Variants in SSUH2 observed in about 807,000 individuals in gnomAD.
SSUH2 encodes the protein protein SSUH2 homolog.
Under a neutral mutation model 55.3 loss-of-function variants are expected in SSUH2, and 47 were observed. The observed-to-expected ratio is 0.85, with a 90% CI of 0.67 to 1.08. The LOEUF (loss-of-function observed/expected upper bound fraction) is 1.08. Among genes scored for constraint, SSUH2 ranks in the 50% least tolerant of loss-of-function variants. The pLI, the probability that SSUH2 is intolerant of heterozygous loss-of-function variation, is 0.00. For synonymous variants in SSUH2, 212 were observed against 191.5 expected, an observed-to-expected ratio of 1.11 and a Z score of -0.89; for missense variants, 535 against 490.7, an observed-to-expected ratio of 1.09 and a Z score of -0.85.
At chr3:8,625,164 A>C (rs778919482) in intron 10 of SSUH2, among the ~76,000 whole-genome samples, 3 of 152,052 alleles carry the variant, frequency 2.0e-5, no homozygotes, top group Non-Finnish European at 2.9e-5. Context: ...ACCCAGGGCC[A>C]AGAATAGTGC....
chr3:8,630,665 T>C, intron 6 of SSUH2, 140 bp downstream of exon 6: 1 of 788,782 alleles, frequency 1.3e-6, no homozygotes, highest in East Asian at 3.4e-5. Context: ...TTAAATTACG[T>C]TTATTTATAA....
At chr3:8,672,316 A>C (rs1290454527) in intron 3 of SSUH2, among the ~76,000 whole-genome samples, 1 of 151,922 alleles carries the variant, frequency 6.6e-6, no homozygotes. Flanking sequence ...TGCTATTAAG[A>C]ATATTATCCT....
Position 8,670,995 on chromosome 3 carries a change from T to C in SSUH2, c.-455+3A>G, listed in dbSNP as rs776890582. ...ATATAACGAATAATGTCAGAGAATG[T>C]ACCTGCATTGGGACATCAGTAGTAA... On this transcript the variant is annotated splice_donor_region_variant and intron_variant, in intron 5 of 18. Transcript: ENST00000317371. 9 of 426,464 alleles carry C rather than the reference T, an allele frequency of 2.1e-5. 1 individual carries two copies. The highest frequency in any genetic ancestry group is 1.2e-4 in the South Asian group (7 of 60,012). 26.4% of individuals were successfully genotyped at this position (426,464 alleles called of 1,614,324 possible). A position where few individuals can be genotyped will look rare whatever the true frequency, so the allele number is the denominator to read the frequency against.
At position 8,635,796 on chromosome 3, in the gene SSUH2, C is replaced by T. The variant is rs1403056564; in HGVS notation, c.90G>A (p.Glu30=). Residue 30 remains glutamate (E), a synonymous_variant, in exon 2 of 12, where the codon GAG becomes GAA. Coordinates refer to ENST00000544814, the MANE Select transcript of SSUH2 (RefSeq NM_001256748.3). ...GAAGCCAGTCATAGCTGGGCAGTCT[C>T]TCCAGGAGCTCTGTGGGGGGCGCCA... The part of the protein sequence containing the change: ...SPLAPPTELL[E]RLPSYDWLLQ... 3 of 1,535,996 alleles carry T rather than the reference C, an allele frequency of 2.0e-6. No homozygotes were observed. The highest frequency in any genetic ancestry group is 2.6e-6 in the Non-Finnish European group (3 of 1,146,898).
chr3:8,640,488 C>T (rs147712249), intron 1 of SSUH2, among the ~76,000 whole-genome samples: 1 of 152,222 alleles, frequency 6.6e-6, no homozygotes, highest in East Asian at 1.9e-4. Flanking sequence ...GATGCCCTTA[C>T]CCACAAGAGA....
chr3:8,663,663 TAG>T, intron 6 of SSUH2: 1 of 364,360 alleles, frequency 2.7e-6, no homozygotes, highest in Non-Finnish European at 5.5e-6. Context: ...CAGGGGGTGC[TAG>T]GAATGTGTTA....
At chr3:8,641,519 G>GTACAATT in intron 1 of SSUH2, among the ~76,000 whole-genome samples, 1 of 152,208 alleles carries the variant, frequency 6.6e-6, no homozygotes, top group South Asian at 2.1e-4. Context: ...TGTCTAAGCT[G>GTACAATT]TAACAATTTC....
exon 6 of SSUH2, chr3:8,663,769 G>C (rs1469092079): frequency 8.8e-6 from 4 of 456,032 alleles, no homozygotes; most frequent in African/African-American, 8.0e-5. Flanking sequence ...CCAACAACTG[G>C]TTTCCATAGG....
intron 9 of SSUH2, 74 bp from the exon 10 acceptor site, chr3:8,625,721 G>T: frequency 9.5e-7 from 1 of 1,057,302 alleles, no homozygotes; most frequent in Non-Finnish European, 1.5e-6. Context: ...CAATCAGACA[G>T]ACCTGGGGTT....
At chr3:8,645,856 C>T (rs1015768011), upstream of SSUH2, among the ~76,000 whole-genome samples, 1 of 152,222 alleles carries the variant, frequency 6.6e-6, no homozygotes, top group Non-Finnish European at 1.5e-5. Flanking sequence ...CCTTCACCCT[C>T]GTCACTGACT....
chr3:8,646,464 G>A (rs1433707781), upstream of SSUH2, among the ~76,000 whole-genome samples: 2 of 152,160 alleles, frequency 1.3e-5, no homozygotes, highest in South Asian at 2.1e-4. Flanking sequence ...TCTTGAGGCC[G>A]CAAAAATGCA....
chr3:8,649,754 T>C (rs574100607), upstream of SSUH2, among the ~76,000 whole-genome samples: 159 of 152,178 alleles, frequency 1.0e-3, 1 homozygote, highest in African/African-American at 3.7e-3. Context: ...CACTTCCTCA[T>C]GGGCCTCCTA....
chr3:8,631,623 A>G (rs1170380721), intron 5 of SSUH2, among the ~76,000 whole-genome samples: 1 of 151,996 alleles, frequency 6.6e-6, no homozygotes, highest in African/African-American at 2.4e-5. Context: ...GATCTTCCCA[A>G]AGAGAGAAGC....
At chr3:8,629,950 T>A (rs908596042) in intron 6 of SSUH2, among the ~76,000 whole-genome samples, 2 of 152,142 alleles carry the variant, frequency 1.3e-5, no homozygotes, top group Non-Finnish European at 2.9e-5. Context: ...CTGGATGCCA[T>A]CAAGGGGAGA....
At chr3:8,635,653 C>T in intron 2 of SSUH2, 106 bp downstream of exon 2, 1 of 1,123,352 alleles carries the variant, frequency 8.9e-7, no homozygotes, top group South Asian at 1.6e-5. Context: ...AGGGCCCCCC[C>T]AGGGAAAGGG....
At chr3:8,673,347 C>T (rs1277722161) in intron 3 of SSUH2, among the ~76,000 whole-genome samples, 1 of 151,932 alleles carries the variant, frequency 6.6e-6, no homozygotes, top group Admixed American at 6.6e-5. Context: ...AGTCACATTG[C>T]GCCATTCCAC....
intron 2 of SSUH2, among the ~76,000 whole-genome samples, chr3:8,679,329 TCTTCCCGCCCCTTGCTCTTCCG>T (rs1365837465): frequency 1.3e-4 from 9 of 71,578 alleles, no homozygotes; most frequent in Non-Finnish European, 2.3e-4. Context: ...AGCCAGCCCC[TCTTCCCGCCCCTTGCTCTTCCG>T]ACCCCCATCG....
chr3:8,626,501 C>T (rs1697559346), intron 8 of SSUH2, among the ~76,000 whole-genome samples, 180 bp from the exon 9 acceptor site: 1 of 150,580 alleles, frequency 6.6e-6, no homozygotes, highest in African/African-American at 2.5e-5. Flanking sequence ...ATGGGGATCA[C>T]CCTTCCCCCA....
intron 7 of SSUH2, among the ~76,000 whole-genome samples, chr3:8,656,931 A>G (rs1702995283): frequency 6.6e-6 from 1 of 152,114 alleles, no homozygotes; most frequent in South Asian, 2.1e-4. Flanking sequence ...CCCAGGCTGG[A>G]GTGCAGTAGC....
Sources: gnomAD v4.1 joint callset for allele counts (sites outside exome capture counted in the v4.1 genomes callset) on GRCh38, gnomAD v4.1.1 for gene constraint, MANE v1.5 for transcripts, NCBI Gene and HGNC (gene_info 2026-07-23, HGNC 2026-07-21) for gene names.